The following RBL2 variants were observed in gnomAD, a reference collection of about 807,000 sequenced individuals.
RBL2 encodes the protein retinoblastoma-like protein 2.
In RBL2, 56 loss-of-function variants were observed where a neutral mutation model predicts 126.0. That is an observed-to-expected ratio of 0.44 (90% CI 0.36 to 0.56). RBL2 has a LOEUF of 0.56. Ranked by LOEUF, RBL2 falls within the 20% of genes least tolerant of loss-of-function variation. RBL2 has a pLI of 0.00. For missense variants in RBL2, 1,229 were observed against 1,398.2 expected (o/e 0.88, Z 1.93); for synonymous variants, 454 against 478.5 (o/e 0.95, Z 0.67).
rs187859412 is a variant in RBL2, at chr16:53,441,007, T to G, written c.372-1651T>G. Among the ~76,000 whole-genome samples, 431 of 133,740 alleles carry G rather than the reference T, an allele frequency of 3.2e-3. 4 individuals carry two copies. Among genetic ancestry groups the G allele is most frequent in the African/African-American group, 0.011 (389 of 34,658 alleles). 87.7% of individuals were successfully genotyped at this position (133,740 alleles called of 152,430 possible). ...TGGAGTCTCACTCTGCTGCCCAGGC[T>G]GGAGTGCAGTAGCTCAATCTCTACT... On this transcript the variant is annotated intron_variant, in intron 2 of 21. Transcript: ENST00000262133.
At chr16:53,485,980 T>C (rs1312822093) in intron 21 of RBL2, among the ~76,000 whole-genome samples, 1 of 151,860 alleles carries the variant, frequency 6.6e-6, no homozygotes, top group Non-Finnish European at 1.5e-5. Flanking sequence ...ATTAAAAGTA[T>C]AATGAAAGAT....
At chr16:53,443,938 G>A (rs1457752775) in intron 3 of RBL2, among the ~76,000 whole-genome samples, 1 of 152,124 alleles carries the variant, frequency 6.6e-6, no homozygotes, top group Non-Finnish European at 1.5e-5. Flanking sequence ...CAGTTTTGGG[G>A]AATTGACTAT....
Position 53,435,551 on chromosome 16 carries a change from A to C in RBL2, c.240+755A>C, listed in dbSNP as rs72801813. 0.02 allele frequency: 24,466 copies of C among 1,202,652 alleles called. 1,394 individuals carry two copies. In the East Asian group the frequency reaches 0.3, roughly 15 times the overall value. The allele number at this position is 1,202,652 out of a possible 1,614,324, so 74.5% of individuals were successfully genotyped here. On this transcript the variant is annotated intron_variant, in intron 1 of 21. Transcript: ENST00000262133. ...GATGAGAAAAATGGCCATTCTAGCC[A>C]GTGAGTGTCAGCTTTGTATGCACCT... is the stretch of plus-strand genomic sequence containing the variant.
rs369469925 is a variant in RBL2 at position 53,439,519 on chromosome 16, C to T, written c.371+373C>T. Among the ~76,000 whole-genome samples the T allele has an allele frequency of 3.3e-5, 5 of 152,220 alleles. No homozygotes were observed. In the South Asian group the frequency reaches 8.3e-4, roughly 25 times the overall value. On this transcript the variant is annotated intron_variant, in intron 2 of 21. Transcript: ENST00000262133. The stretch of plus-strand genomic sequence containing the variant: ...GCTATTATACTTAGAAATATGTGCA[C>T]AGGACTTGTGGTCTTAATATAAATG...
chr16:53,456,990 G>A (rs1486297291), intron 8 of RBL2, among the ~76,000 whole-genome samples: 1 of 152,136 alleles, frequency 6.6e-6, no homozygotes, highest in Non-Finnish European at 1.5e-5. Context: ...CACCAAGGCT[G>A]TGACCAGTGT....
intron 21 of RBL2, chr16:53,487,888 A>G (rs183619201): frequency 1.3e-5 from 2 of 152,352 alleles, no homozygotes; most frequent in Admixed American, 6.5e-5. Flanking sequence ...CACCCATTAC[A>G]TGCCTGTTAG....
chr16:53,461,079 A>AG (rs1427216468), intron 9 of RBL2, among the ~76,000 whole-genome samples: 51 of 152,228 alleles, frequency 3.4e-4, no homozygotes, highest in Admixed American at 3.3e-3. Flanking sequence ...ACTGTCCTCT[A>AG]GGGAAATAGT....
intron 12 of RBL2, among the ~76,000 whole-genome samples, chr16:53,465,045 G>A (rs1011341544): frequency 6.6e-6 from 1 of 152,154 alleles, no homozygotes; most frequent in African/African-American, 2.4e-5. Flanking sequence ...TGCCCGCCAC[G>A]GCCCCCCAGA....
intron 11 of RBL2, among the ~76,000 whole-genome samples, chr16:53,462,872 G>T (rs2058236206): frequency 6.6e-6 from 1 of 152,092 alleles, no homozygotes; most frequent in East Asian, 1.9e-4. Context: ...ATGGAGTCTT[G>T]CGCTGTCGCC....
intron 3 of RBL2, among the ~76,000 whole-genome samples, chr16:53,444,498 A>G (rs1355953718): frequency 3.1e-4 from 47 of 152,098 alleles, no homozygotes; most frequent in Non-Finnish European, 2.9e-5. Flanking sequence ...GGTTGCAGTG[A>G]GCCGAGATCA....
intron 2 of RBL2, among the ~76,000 whole-genome samples, chr16:53,442,203 C>A (rs891085548): frequency 6.6e-6 from 1 of 151,980 alleles, no homozygotes; most frequent in South Asian, 2.1e-4. Flanking sequence ...TCACAGTGTT[C>A]TAGGAAGCCA....
At chr16:53,465,636 T>C (rs1230980076) in intron 13 of RBL2, 34 bp downstream of exon 13, 1 of 1,455,434 alleles carries the variant, frequency 6.9e-7, no homozygotes, top group Non-Finnish European at 9.2e-7. Context: ...ATGAGAAAAA[T>C]ACATCAATAT....
chr16:53,473,973 A>C (rs1960620591), intron 17 of RBL2, among the ~76,000 whole-genome samples: 1 of 151,972 alleles, frequency 6.6e-6, no homozygotes. Flanking sequence ...CCAGCCTTGC[A>C]TTTCTGGTGT....
chr16:53,454,251 C>T (rs548112755), intron 7 of RBL2: 1 of 452,402 alleles, frequency 2.2e-6, no homozygotes, highest in Non-Finnish European at 4.4e-6. Flanking sequence ...GTCGCCCAGG[C>T]TGGAATGCAG....
At chr16:53,481,490 C>A in intron 20 of RBL2, 181 bp from the exon 21 acceptor site, 1 of 558,992 alleles carries the variant, frequency 1.8e-6, no homozygotes, top group Non-Finnish European at 3.0e-6. Flanking sequence ...ATAACTGGCA[C>A]AAACTAAGCA....
intron 2 of RBL2, among the ~76,000 whole-genome samples, chr16:53,439,727 G>A (rs1210264035): frequency 2.0e-5 from 3 of 152,014 alleles, no homozygotes; most frequent in Non-Finnish European, 2.9e-5. Context: ...GCTTATTAAA[G>A]ATAAGTGGAA....
intron 4 of RBL2, among the ~76,000 whole-genome samples, chr16:53,447,456 C>G (rs960176057): frequency 6.6e-6 from 1 of 152,024 alleles, no homozygotes; most frequent in Admixed American, 6.6e-5. Context: ...TTTAGTTGAG[C>G]GCAATTACTG....
chr16:53,460,788 T>G (rs939506072), intron 9 of RBL2, among the ~76,000 whole-genome samples: 4 of 152,216 alleles, frequency 2.6e-5, no homozygotes, highest in Non-Finnish European at 5.9e-5. Flanking sequence ...ATTCTCTTTA[T>G]AATTTTTTAA....
chr16:53,457,261 T>C lies in RBL2; in HGVS notation c.1180-2190T>C, dbSNP rs1195830406. On this transcript the variant is annotated intron_variant, in intron 8 of 21. Transcript: ENST00000262133. ...TCATCAGGGTGGGTACAGATAGCTT[T>C]TTTTTTTTTTTTTTTTGAGATGGAG... 9.6e-5 allele frequency among the ~76,000 whole-genome samples: 11 copies of C among 115,066 alleles called. 2 individuals are homozygous for C. The highest frequency in any genetic ancestry group is 3.0e-4 in the South Asian group (1 of 3,374). 75.5% of individuals were successfully genotyped at this position (115,066 alleles called of 152,430 possible).
Sources: allele counts gnomAD v4.1 joint callset (sites outside exome capture counted in the v4.1 genomes callset), GRCh38; gene constraint gnomAD v4.1.1; transcripts MANE v1.5; gene names NCBI Gene and HGNC (gene_info 2026-07-23, HGNC 2026-07-21).